The following GUCY1A2 variants were observed in gnomAD, a reference collection of about 807,000 sequenced individuals.
GUCY1A2 encodes guanylate cyclase soluble subunit alpha-2.
Under a neutral mutation model 63.5 loss-of-function variants are expected in GUCY1A2, and 27 were observed. That is an observed-to-expected ratio of 0.43 (90% CI 0.31 to 0.59). GUCY1A2 has a LOEUF of 0.59. Among genes scored for constraint, GUCY1A2 ranks in the 20% least tolerant of loss-of-function variants. GUCY1A2 has a pLI of 0.11. For synonymous variants in GUCY1A2, 364 were observed against 343.5 expected, an observed-to-expected ratio of 1.06 and a Z score of -0.66; for missense variants, 768 against 913.3, an observed-to-expected ratio of 0.84 and a Z score of 2.05.
chr11:106,728,996 C>T (rs1591250830), intron 6 of GUCY1A2, among the ~76,000 whole-genome samples: 1 of 150,190 alleles, frequency 6.7e-6, no homozygotes, highest in Admixed American at 6.6e-5. Flanking sequence ...TTCACTTATT[C>T]ATTCATTCAC....
chr11:106,755,038 GTCTGT>G (rs1863949907), intron 6 of GUCY1A2, among the ~76,000 whole-genome samples: 1 of 152,104 alleles, frequency 6.6e-6, no homozygotes, highest in Non-Finnish European at 1.5e-5. Context: ...ACTGTTACTG[GTCTGT>G]TAAGAAATCT....
At chr11:106,878,105 C>T (rs191242337) in intron 4 of GUCY1A2, among the ~76,000 whole-genome samples, 7 of 152,018 alleles carry the variant, frequency 4.6e-5, no homozygotes, top group Non-Finnish European at 8.8e-5. Flanking sequence ...ATAAGAATGG[C>T]TATTATTAAA....
At chr11:106,695,919 G>A (rs541154155) in intron 7 of GUCY1A2, among the ~76,000 whole-genome samples, 6 of 152,210 alleles carry the variant, frequency 3.9e-5, no homozygotes, top group South Asian at 4.2e-4. Context: ...TCTCCTAAAG[G>A]GATAGCCTTC....
intron 1 of GUCY1A2, among the ~76,000 whole-genome samples, chr11:107,007,513 C>G (rs531627250): frequency 6.6e-6 from 1 of 152,174 alleles, no homozygotes; most frequent in African/African-American, 2.4e-5. Context: ...GACATATAGG[C>G]CTTCTAATGC....
At chr11:106,979,450 G>A (rs1352066357) in intron 2 of GUCY1A2, among the ~76,000 whole-genome samples, 14 of 116,000 alleles carry the variant, frequency 1.2e-4, no homozygotes, top group African/African-American at 4.4e-4. Flanking sequence ...GTGAGACTCC[G>A]TCTCAAAAAA....
chr11:106,996,130 C>A (rs1861532062), intron 1 of GUCY1A2, among the ~76,000 whole-genome samples: 1 of 152,126 alleles, frequency 6.6e-6, no homozygotes, highest in African/African-American at 2.4e-5. Context: ...CAGTCGCATG[C>A]CTGGGTTTCA....
At chr11:106,992,790 A>C (rs1369982307) in intron 1 of GUCY1A2, among the ~76,000 whole-genome samples, 3 of 152,158 alleles carry the variant, frequency 2.0e-5, no homozygotes, top group African/African-American at 4.8e-5. Context: ...CCTATAAGCA[A>C]AATCAGGAAT....
At chr11:106,797,392 G>A (rs1244971030) in intron 5 of GUCY1A2, among the ~76,000 whole-genome samples, 45 of 151,972 alleles carry the variant, frequency 3.0e-4, no homozygotes, top group Admixed American at 3.0e-3. Context: ...AGTTAAAAAG[G>A]ATATCCAGGA....
intron 4 of GUCY1A2, among the ~76,000 whole-genome samples, chr11:106,913,255 A>G (rs1018771834): frequency 8.5e-5 from 13 of 152,126 alleles, no homozygotes; most frequent in African/African-American, 2.9e-4. Context: ...GACAATTTAT[A>G]AAGAAAAGAG....
intron 4 of GUCY1A2, among the ~76,000 whole-genome samples, chr11:106,889,672 T>C (rs1403521198): frequency 6.6e-6 from 1 of 152,222 alleles, no homozygotes; most frequent in African/African-American, 2.4e-5. Flanking sequence ...AACTATTATA[T>C]GTCTTGGCTG....
At chr11:106,897,817 A>T (rs907771633) in intron 4 of GUCY1A2, among the ~76,000 whole-genome samples, 5 of 152,118 alleles carry the variant, frequency 3.3e-5, no homozygotes, top group African/African-American at 1.2e-4. Flanking sequence ...TTCAGATAAG[A>T]TGACAAAGGC....
intron 4 of GUCY1A2, among the ~76,000 whole-genome samples, chr11:106,934,279 G>C (rs372550332): frequency 6.6e-6 from 1 of 152,130 alleles, no homozygotes; most frequent in Admixed American, 6.5e-5. Flanking sequence ...CTAATGTATA[G>C]AGAAAGCTCT....
Position 106,722,185 on chromosome 11 carries a change from T to G in GUCY1A2, c.1837-13519A>C, listed in dbSNP as rs371764531. Among the ~76,000 whole-genome samples the G allele has an allele frequency of 4.6e-5, 7 of 152,268 alleles. No homozygotes were observed. In the East Asian group the frequency reaches 9.7e-4, roughly 21 times the overall value. ...TTTTGACACCAAAGGGACTGGATGCTCATTCATCTTTGTATTCCTCAAGAT... is the reference window on the plus strand; with the variant it reads ...TTTTGACACCAAAGGGACTGGATGCGCATTCATCTTTGTATTCCTCAAGAT... On this transcript the variant is annotated intron_variant, in intron 6 of 7. Transcript: ENST00000526355.
chr11:106,840,297 T>C (rs886889694), intron 4 of GUCY1A2, among the ~76,000 whole-genome samples: 4 of 151,918 alleles, frequency 2.6e-5, no homozygotes, highest in African/African-American at 7.2e-5. Context: ...AATAATAACA[T>C]GGAGAAACAT....
chr11:106,694,636 G>A (rs1485262532), intron 7 of GUCY1A2, among the ~76,000 whole-genome samples: 1 of 152,172 alleles, frequency 6.6e-6, no homozygotes, highest in Non-Finnish European at 1.5e-5. Context: ...TGACACGTTA[G>A]TCTAACATCT....
chr11:106,691,193 G>A (rs1862617583), intron 7 of GUCY1A2, among the ~76,000 whole-genome samples: 2 of 152,078 alleles, frequency 1.3e-5, no homozygotes, highest in African/African-American at 4.8e-5. Flanking sequence ...GAATGGAGAC[G>A]AGTAAGTGGG....
chr11:106,775,995 A>C (rs1864350648), intron 6 of GUCY1A2, among the ~76,000 whole-genome samples: 1 of 151,814 alleles, frequency 6.6e-6, no homozygotes, highest in Admixed American at 6.6e-5. Flanking sequence ...CACAAGAAAA[A>C]CTCCAGAAGT....
chr11:106,810,607 G>T, intron 4 of GUCY1A2, 129 bp from the exon 5 acceptor site: 2 of 657,004 alleles, frequency 3.0e-6, no homozygotes, highest in Non-Finnish European at 4.9e-6. Flanking sequence ...ATTCATATAA[G>T]CAAATTTAAA....
At chr11:106,745,512 C>A (rs1863772501) in intron 6 of GUCY1A2, among the ~76,000 whole-genome samples, 1 of 152,166 alleles carries the variant, frequency 6.6e-6, no homozygotes, top group South Asian at 2.1e-4. Context: ...CACATACCAC[C>A]ATTTAGTGAA....
Sources: gnomAD v4.1 joint callset for allele counts (sites outside exome capture counted in the v4.1 genomes callset) on GRCh38, gnomAD v4.1.1 for gene constraint, MANE v1.5 for transcripts, NCBI Gene and HGNC (gene_info 2026-07-23, HGNC 2026-07-21) for gene names.